Variants in MAD1L1 observed in about 807,000 individuals in gnomAD.
MAD1L1 encodes the protein mitotic arrest deficient 1 like 1, also known as mitotic spindle assembly checkpoint protein MAD1.
A neutral mutation model predicts 96.9 loss-of-function variants in MAD1L1; 95 were observed. That is an observed-to-expected ratio of 0.98 (90% CI 0.83 to 1.16). MAD1L1 has a LOEUF of 1.16. Among genes scored for constraint, MAD1L1 ranks in the 50% most tolerant of loss-of-function variants. MAD1L1 has a pLI of 0.00. For missense variants in MAD1L1, 1,007 were observed against 954.4 expected (o/e 1.06, Z -0.73); for synonymous variants, 473 against 396.6 (o/e 1.19, Z -2.29).
chr7:2,163,427 G>A (rs926698201), intron 10 of MAD1L1, among the ~76,000 whole-genome samples: 7 of 152,190 alleles, frequency 4.6e-5, no homozygotes, highest in Admixed American at 3.9e-4. Context: ...AGGCTGGAGT[G>A]CAGTGGCACA....
intron 14 of MAD1L1, among the ~76,000 whole-genome samples, chr7:1,994,365 T>G (rs1781468089): frequency 6.6e-6 from 1 of 152,166 alleles, no homozygotes; most frequent in South Asian, 2.1e-4. Context: ...GAGGCTCCGC[T>G]GAACTGAAAA....
intron 14 of MAD1L1, among the ~76,000 whole-genome samples, chr7:1,982,836 T>A (rs115785266): frequency 1.3e-5 from 2 of 152,224 alleles, no homozygotes; most frequent in African/African-American, 4.8e-5. Flanking sequence ...TGACCTTTTT[T>A]TTCAAATAGG....
chr7:1,819,174 T>C (rs993658958), intron 18 of MAD1L1, among the ~76,000 whole-genome samples: 3 of 152,146 alleles, frequency 2.0e-5, no homozygotes, highest in Non-Finnish European at 2.9e-5. Context: ...CGTAAATCAC[T>C]GTAATTACGG....
At chr7:1,864,606 G>A (rs1158461290) in intron 18 of MAD1L1, among the ~76,000 whole-genome samples, 3 of 152,230 alleles carry the variant, frequency 2.0e-5, no homozygotes, top group Non-Finnish European at 4.4e-5. Context: ...TGCTGCAGCG[G>A]TGCCCTTCCC....
intron 10 of MAD1L1, among the ~76,000 whole-genome samples, chr7:2,151,082 A>C (rs1789547691): frequency 6.6e-6 from 1 of 152,244 alleles, no homozygotes; most frequent in Non-Finnish European, 1.5e-5. Flanking sequence ...CCAGTTTCCC[A>C]AAGCTTCCAA....
At chr7:1,950,856 G>A (rs1779461952) in intron 16 of MAD1L1, among the ~76,000 whole-genome samples, 1 of 152,232 alleles carries the variant, frequency 6.6e-6, no homozygotes. Flanking sequence ...CGTGCTCCTC[G>A]TTCAGCTCAC....
intron 11 of MAD1L1, among the ~76,000 whole-genome samples, chr7:2,117,733 T>G (rs1787782538): frequency 6.6e-6 from 1 of 152,198 alleles, no homozygotes. Flanking sequence ...ACCTTTTTCC[T>G]TTATAAATCA....
intron 18 of MAD1L1, among the ~76,000 whole-genome samples, chr7:1,825,373 C>T (rs1344926748): frequency 1.3e-5 from 2 of 152,234 alleles, no homozygotes; most frequent in Admixed American, 6.5e-5. Context: ...AGGCTGGCGT[C>T]ATGGCTGGCA....
intron 15 of MAD1L1, among the ~76,000 whole-genome samples, chr7:1,979,585 C>A (rs965370801): frequency 4.6e-5 from 7 of 152,218 alleles, no homozygotes; most frequent in Non-Finnish European, 1.0e-4. Context: ...CCTGATGGGT[C>A]CACAAGGCGG....
chr7:2,060,242 CCGAGA>C (rs1784588077), intron 12 of MAD1L1, among the ~76,000 whole-genome samples: 1 of 149,008 alleles, frequency 6.7e-6, no homozygotes, highest in African/African-American at 2.5e-5. Context: ...TACGCCGATG[CCGAGA>C]TACGCCGATG....
chr7:1,915,324 G>A lies in MAD1L1; in HGVS notation c.1808-16934C>T, dbSNP rs76668055. ...AGCCGGGAGGGACGGGGAGATGGGA[G>A]GGGGAGGGCTGCGGTCCGAAAAGGC... On this transcript the variant is annotated intron_variant, in intron 17 of 18. Coordinates refer to ENST00000265854, the MANE Select transcript of MAD1L1 (RefSeq NM_001013836.2). Among the ~76,000 whole-genome samples, 6 of 152,312 alleles carry A rather than the reference G, an allele frequency of 3.9e-5. No individual in the cohort carries two copies. In the East Asian group the frequency reaches 1.2e-3, roughly 29 times the overall value.
intron 18 of MAD1L1, among the ~76,000 whole-genome samples, chr7:1,877,921 T>TA (rs1490916982): frequency 2.6e-5 from 4 of 151,486 alleles, no homozygotes; most frequent in African/African-American, 9.7e-5. Flanking sequence ...AGGAGAGAGA[T>TA]AAAAAAATCG....
In MAD1L1 at chr7:2,217,608, C is replaced by T. The variant is rs547817042; in HGVS notation, c.678+354G>A. Among the ~76,000 whole-genome samples the T allele has an allele frequency of 3.3e-5, 5 of 152,340 alleles. No homozygotes were observed. In the East Asian group the frequency reaches 9.6e-4, roughly 29 times the overall value. ...GCACAGCCTGAGCTTGAGTCAGATGCCCTGACTGAGACCCAGCTCCAGCTG... is the reference window on the plus strand; with the variant it reads ...GCACAGCCTGAGCTTGAGTCAGATGTCCTGACTGAGACCCAGCTCCAGCTG... On this transcript the variant is annotated intron_variant, in intron 7 of 18. Transcript: ENST00000265854.
chr7:1,925,668 G>A (rs1789047731), intron 17 of MAD1L1, among the ~76,000 whole-genome samples: 1 of 152,216 alleles, frequency 6.6e-6, no homozygotes, highest in African/African-American at 2.4e-5. Flanking sequence ...CCAACACGTG[G>A]ACTTTGGAGG....
At chr7:2,153,924 G>A (rs1789700988) in intron 10 of MAD1L1, among the ~76,000 whole-genome samples, 1 of 152,242 alleles carries the variant, frequency 6.6e-6, no homozygotes, top group African/African-American at 2.4e-5. Flanking sequence ...TTGGGAGGCC[G>A]AGGCAGGTGG....
intron 12 of MAD1L1, among the ~76,000 whole-genome samples, chr7:2,063,411 G>A (rs1051816288): frequency 6.6e-6 from 1 of 152,240 alleles, no homozygotes; most frequent in Non-Finnish European, 1.5e-5. Context: ...GTGACTTGAA[G>A]TGGCACTCAG....
chr7:1,817,793 A>C (rs557794372), intron 18 of MAD1L1, among the ~76,000 whole-genome samples: 1 of 152,114 alleles, frequency 6.6e-6, no homozygotes, highest in Non-Finnish European at 1.5e-5. Context: ...CCCAGGAGCC[A>C]CAGGGCGGCC....
intron 18 of MAD1L1, among the ~76,000 whole-genome samples, chr7:1,858,293 C>A (rs1461781885): frequency 2.0e-5 from 3 of 152,222 alleles, no homozygotes; most frequent in East Asian, 3.9e-4. Context: ...CATGGGCTGG[C>A]CAGTTGCACC....
chr7:1,941,394 G>C (rs1662091300), intron 16 of MAD1L1, among the ~76,000 whole-genome samples: 1 of 152,224 alleles, frequency 6.6e-6, no homozygotes, highest in South Asian at 2.1e-4. Context: ...CTGTATATTA[G>C]AGGATTTAAG....
Sources: allele counts gnomAD v4.1 joint callset (sites outside exome capture counted in the v4.1 genomes callset), GRCh38; gene constraint gnomAD v4.1.1; transcripts MANE v1.5; gene names NCBI Gene and HGNC (gene_info 2026-07-23, HGNC 2026-07-21).